LRMDA: variants seen among roughly 807,000 people sequenced by gnomAD.
LRMDA encodes leucine rich melanocyte differentiation associated.
LRMDA carries 18 observed loss-of-function variants against 29.8 expected under a neutral mutation model. The observed-to-expected ratio is 0.60, with a 90% CI of 0.42 to 0.90. The LOEUF (loss-of-function observed/expected upper bound fraction) is 0.90, where lower values mean the gene tolerates loss of function less well. Ranked by LOEUF, LRMDA falls within the 40% of genes least tolerant of loss-of-function variation. The probability of loss-of-function intolerance (pLI) is 0.00; values close to 1 mark genes in which losing one functional copy is unlikely to be tolerated. For synonymous variants in LRMDA, 125 were observed against 109.4 expected (o/e 1.14, Z -0.89); for missense variants, 273 against 273.9 (o/e 1.00, Z 0.02).
At chr10:75,670,628 C>T (rs1841879902) in intron 2 of LRMDA, among the ~76,000 whole-genome samples, 1 of 152,160 alleles carries the variant, frequency 6.6e-6, no homozygotes, top group African/African-American at 2.4e-5. Context: ...CCTTTAGGTG[C>T]TGATGTCTCC....
chr10:75,860,512 G>A (rs1055680173), intron 2 of LRMDA, among the ~76,000 whole-genome samples: 2 of 151,910 alleles, frequency 1.3e-5, no homozygotes, highest in African/African-American at 2.4e-5. Flanking sequence ...GGTAGAGACA[G>A]GGTTTCACCA....
intron 5 of LRMDA, among the ~76,000 whole-genome samples, chr10:76,261,699 G>A (rs943923774): frequency 1.3e-5 from 2 of 152,184 alleles, no homozygotes; most frequent in Non-Finnish European, 2.9e-5. Context: ...GGGTCTGCAA[G>A]TTGAACTTTA....
intron 6 of LRMDA, among the ~76,000 whole-genome samples, chr10:76,524,937 A>G (rs1843159490): frequency 6.6e-6 from 1 of 152,230 alleles, no homozygotes; most frequent in African/African-American, 2.4e-5. Context: ...TTAGAAAATA[A>G]CACACACTTT....
At chr10:76,435,692 C>G (rs1842237925) in intron 6 of LRMDA, among the ~76,000 whole-genome samples, 2 of 152,188 alleles carry the variant, frequency 1.3e-5, no homozygotes, top group South Asian at 4.1e-4. Context: ...GAATACTCTT[C>G]ACACAAATGT....
chr10:75,763,080 G>A (rs905058897), intron 2 of LRMDA, among the ~76,000 whole-genome samples: 1 of 152,136 alleles, frequency 6.6e-6, no homozygotes, highest in Non-Finnish European at 1.5e-5. Flanking sequence ...TAGCCAGAAT[G>A]CTCAGAGAAC....
intron 6 of LRMDA, among the ~76,000 whole-genome samples, chr10:76,467,779 G>T (rs562372582): frequency 6.6e-6 from 1 of 152,244 alleles, no homozygotes; most frequent in South Asian, 2.1e-4. Flanking sequence ...GGTGTTTGGA[G>T]CCCATCCTCA....
At chr10:76,047,378 G>C (rs1848458578) in intron 4 of LRMDA, 75 bp downstream of exon 4, 1 of 1,395,734 alleles carries the variant, frequency 7.2e-7, no homozygotes, top group Non-Finnish European at 9.6e-7. Context: ...TATACTCTGG[G>C]GTGCATAGTA....
At chr10:75,595,490 CTTTA>C (rs920907745) in intron 2 of LRMDA, among the ~76,000 whole-genome samples, 1 of 151,092 alleles carries the variant, frequency 6.6e-6, no homozygotes, top group African/African-American at 2.4e-5. Context: ...TCTTCTCTCT[CTTTA>C]TATATACATA....
In LRMDA at chr10:75,618,749, A is replaced by C. The variant is rs192901408; in HGVS notation, c.131+180255A>C. Among the ~76,000 whole-genome samples the C allele has an allele frequency of 6.9e-3, 1,030 of 148,406 alleles. 6 individuals are homozygous for C. The highest frequency in any genetic ancestry group is 0.057 in the Middle Eastern group (16 of 282). On this transcript the variant is annotated intron_variant, in intron 2 of 6. Coordinates refer to ENST00000611255, the MANE Select transcript of LRMDA (RefSeq NM_001305581.2). ...TAAGCTAGAAAAAAGAAATTAAGGAAATCATAAGGAAGAGAAAATTATTTA... is the reference window on the plus strand; with the variant it reads ...TAAGCTAGAAAAAAGAAATTAAGGACATCATAAGGAAGAGAAAATTATTTA...
intron 6 of LRMDA, among the ~76,000 whole-genome samples, chr10:76,515,093 A>C (rs1269709779): frequency 6.6e-6 from 1 of 152,118 alleles, no homozygotes; most frequent in East Asian, 1.9e-4. Context: ...CAACCTACTA[A>C]ACATGCCTTT....
chr10:75,632,781 A>AG (rs1491213442), intron 2 of LRMDA, among the ~76,000 whole-genome samples: 7 of 36,484 alleles, frequency 1.9e-4, no homozygotes, highest in African/African-American at 7.5e-4. Flanking sequence ...AGTTTAGTTT[A>AG]GTTTTTTTTT....
intron 6 of LRMDA, among the ~76,000 whole-genome samples, chr10:76,425,188 C>T (rs181513485): frequency 1.2e-3 from 181 of 152,252 alleles, no homozygotes; most frequent in Non-Finnish European, 9.1e-4. Context: ...GTCAATATCA[C>T]ATTATGTACA....
intron 2 of LRMDA, among the ~76,000 whole-genome samples, chr10:75,546,339 A>C (rs1482917320): frequency 6.6e-6 from 1 of 152,202 alleles, no homozygotes; most frequent in Non-Finnish European, 1.5e-5. Flanking sequence ...AGAATGTTTA[A>C]TGGTAGAGGA....
chr10:76,309,365 C>T (rs1383313529), intron 5 of LRMDA, among the ~76,000 whole-genome samples: 1 of 151,996 alleles, frequency 6.6e-6, no homozygotes, highest in Non-Finnish European at 1.5e-5. Context: ...AATAATGAGG[C>T]AACTGGAAGG....
At chr10:76,554,915 C>T (rs1843537750) in intron 6 of LRMDA, among the ~76,000 whole-genome samples, 1 of 151,472 alleles carries the variant, frequency 6.6e-6, no homozygotes, top group Non-Finnish European at 1.5e-5. Flanking sequence ...TGTGTGTTTG[C>T]CTTTCATCCT....
intron 5 of LRMDA, among the ~76,000 whole-genome samples, chr10:76,129,444 C>A (rs78669163): frequency 2.6e-5 from 4 of 152,180 alleles, no homozygotes; most frequent in Non-Finnish European, 2.9e-5. Flanking sequence ...GGAGACTGAA[C>A]GCTGGTCTCC....
chr10:75,504,780 C>T (rs574027949), intron 2 of LRMDA, among the ~76,000 whole-genome samples: 4 of 152,230 alleles, frequency 2.6e-5, no homozygotes, highest in South Asian at 2.1e-4. Context: ...GGGATTACCA[C>T]GCTGAGCCTT....
chr10:76,229,231 G>A (rs113042061), intron 5 of LRMDA, among the ~76,000 whole-genome samples: 204 of 152,326 alleles, frequency 1.3e-3, no homozygotes, highest in African/African-American at 4.8e-3. Flanking sequence ...ATCAACAGGA[G>A]AAAAGGTACA....
At chr10:75,465,008 C>T (rs895182968) in intron 2 of LRMDA, among the ~76,000 whole-genome samples, 1 of 152,172 alleles carries the variant, frequency 6.6e-6, no homozygotes, top group Non-Finnish European at 1.5e-5. Flanking sequence ...TCGCTCCTTC[C>T]CTGGGGCCTC....
Sources: allele counts gnomAD v4.1 joint callset (sites outside exome capture counted in the v4.1 genomes callset), GRCh38; gene constraint gnomAD v4.1.1; transcripts MANE v1.5; gene names NCBI Gene and HGNC (gene_info 2026-07-23, HGNC 2026-07-21).